NAV3: variants seen among roughly 807,000 people sequenced by gnomAD.
NAV3 encodes pore membrane and/or filament interacting like protein 1.
Under a neutral mutation model 244.7 loss-of-function variants are expected in NAV3, and 87 were observed. The observed-to-expected ratio is 0.36, with a 90% CI of 0.30 to 0.42. The LOEUF is 0.42. Among genes scored for constraint, NAV3 ranks in the 20% least tolerant of loss-of-function variants. NAV3 has a pLI of 1.00. For missense variants in NAV3, 2,663 were observed against 2,893.3 expected, an observed-to-expected ratio of 0.92 and a Z score of 1.83; for synonymous variants, 1,126 against 1,042.2, an observed-to-expected ratio of 1.08 and a Z score of -1.55.
intron 2 of NAV3, among the ~76,000 whole-genome samples, chr12:77,784,167 C>G (rs1870799449): frequency 6.6e-6 from 1 of 152,158 alleles, no homozygotes; most frequent in South Asian, 2.1e-4. Context: ...TAACAACACT[C>G]AGTAGATGTG....
intron 2 of NAV3, among the ~76,000 whole-genome samples, chr12:77,764,829 A>G (rs1869658514): frequency 6.6e-6 from 1 of 152,238 alleles, no homozygotes; most frequent in Non-Finnish European, 1.5e-5. Context: ...GACATTTGCG[A>G]CAGCAAGTCT....
intron 2 of NAV3, among the ~76,000 whole-genome samples, chr12:77,630,469 A>T (rs12322124): frequency 6.6e-6 from 1 of 152,036 alleles, no homozygotes; most frequent in African/African-American, 2.4e-5. Flanking sequence ...TGTACTCTCC[A>T]TAGAATGTAT....
chr12:78,184,853 A>C (rs1958646223), intron 30 of NAV3, among the ~76,000 whole-genome samples: 1 of 151,772 alleles, frequency 6.6e-6, no homozygotes, highest in Non-Finnish European at 1.5e-5. Context: ...GAAAGCATAT[A>C]TTTGGAATAG....
At chr12:78,164,980 A>T (rs1411118990) in intron 23 of NAV3, among the ~76,000 whole-genome samples, 1 of 152,104 alleles carries the variant, frequency 6.6e-6, no homozygotes, top group Admixed American at 6.6e-5. Flanking sequence ...CCACCAGGAA[A>T]GGCGAATATT....
chr12:78,181,980 G>A (rs1168488973), intron 30 of NAV3, among the ~76,000 whole-genome samples: 1 of 151,840 alleles, frequency 6.6e-6, no homozygotes, highest in Non-Finnish European at 1.5e-5. Context: ...TAAAATAATG[G>A]CCTTCATCTT....
Position 77,878,097 on chromosome 12 carries a change from A to G in NAV3, c.243+46393A>G, listed in dbSNP as rs533166769. Among the ~76,000 whole-genome samples, 14 of 152,296 alleles carry G rather than the reference A, an allele frequency of 9.2e-5. No homozygotes were observed. In the South Asian group the frequency reaches 2.9e-3, roughly 32 times the overall value. The stretch of plus-strand genomic sequence containing the variant: ...GGAGTCTAAGAAACTGGTAGGAAAA[A>G]GAGCCTAAGGGGATATGCCAACTAA... On this transcript the variant is annotated intron_variant, in intron 1 of 39. Coordinates refer to ENST00000397909, the MANE Select transcript of NAV3 (RefSeq NM_001024383.2).
intron 10 of NAV3, 36 bp from the exon 11 acceptor site, chr12:78,050,728 A>G (rs2137242315): frequency 1.3e-6 from 2 of 1,548,950 alleles, no homozygotes; most frequent in Non-Finnish European, 1.7e-6. Flanking sequence ...CCCTAAGTGA[A>G]CCAGAGTATA....
At chr12:78,173,580 A>G (rs1958095299) in intron 24 of NAV3, among the ~76,000 whole-genome samples, 1 of 151,624 alleles carries the variant, frequency 6.6e-6, no homozygotes, top group Non-Finnish European at 1.5e-5. Context: ...CTTCCATAAT[A>G]GTTGATTAAA....
At chr12:78,047,380 A>T (rs1312519210) in intron 9 of NAV3, among the ~76,000 whole-genome samples, 1 of 152,138 alleles carries the variant, frequency 6.6e-6, no homozygotes, top group African/African-American at 2.4e-5. Flanking sequence ...CCAGCTACTC[A>T]GGAGGCTGAG....
intron 2 of NAV3, among the ~76,000 whole-genome samples, chr12:77,661,177 G>C (rs1873427923): frequency 6.6e-6 from 1 of 152,074 alleles, no homozygotes; most frequent in African/African-American, 2.4e-5. Context: ...TTTCATTGTG[G>C]ACGTACCGTT....
chr12:77,705,287 G>A (rs1337779681), intron 2 of NAV3, among the ~76,000 whole-genome samples: 5 of 147,400 alleles, frequency 3.4e-5, no homozygotes, highest in Non-Finnish European at 7.4e-5. Flanking sequence ...GGGTGTGGTA[G>A]TGGACACTTG....
intron 2 of NAV3, among the ~76,000 whole-genome samples, chr12:77,702,272 A>G (rs1215086742): frequency 2.0e-5 from 3 of 151,908 alleles, no homozygotes; most frequent in Non-Finnish European, 4.4e-5. Flanking sequence ...GTATAGCCAC[A>G]CCTGCATTCT....
chr12:77,681,003 T>G (rs1407166168), intron 2 of NAV3, among the ~76,000 whole-genome samples: 1 of 152,194 alleles, frequency 6.6e-6, no homozygotes, highest in Non-Finnish European at 1.5e-5. Flanking sequence ...TCATTCTTTG[T>G]TAGATTTCTG....
intron 1 of NAV3, among the ~76,000 whole-genome samples, chr12:77,928,346 C>T (rs1183848043): frequency 6.6e-6 from 1 of 151,878 alleles, no homozygotes; most frequent in South Asian, 2.1e-4. Flanking sequence ...TAAATGAATG[C>T]CGAGGGGTTC....
At position 78,123,388 on chromosome 12, in the gene NAV3, A is replaced by G. The variant is rs940021917; in HGVS notation, c.4238+960A>G. Among the ~76,000 whole-genome samples, 7 of 150,386 alleles carry G rather than the reference A, an allele frequency of 4.7e-5. No homozygotes were observed. The South Asian group carries it at 6.3e-4, about 14-fold the overall frequency. ...TTTTAACTCTGATATTGATGATGGC[A>G]TTTATTTTCTAGACCTTCAGCCTTA... On this transcript the variant is annotated intron_variant, in intron 16 of 39. Coordinates refer to ENST00000397909, the MANE Select transcript of NAV3 (RefSeq NM_001024383.2).
chr12:77,604,704 C>T (rs1456647222), intron 2 of NAV3, among the ~76,000 whole-genome samples: 1 of 151,934 alleles, frequency 6.6e-6, no homozygotes, highest in Non-Finnish European at 1.5e-5. Context: ...TTTATGTCAG[C>T]TGGTGCTCGT....
intron 1 of NAV3, among the ~76,000 whole-genome samples, chr12:77,890,493 G>T (rs1471997094): frequency 1.3e-5 from 2 of 152,048 alleles, no homozygotes; most frequent in Non-Finnish European, 1.5e-5. Flanking sequence ...AATTGTAAAT[G>T]AATTATGAAA....
Position 78,006,495 on chromosome 12 carries a change from T to C in NAV3, c.957T>C (p.Pro319=), listed in dbSNP as rs367703766. The C allele has an allele frequency of 1.9e-6, 3 of 1,614,058 alleles. No homozygotes were observed. The highest frequency in any genetic ancestry group is 2.7e-5 in the African/African-American group (2 of 74,916). Residue 319 remains proline (P), a synonymous_variant, in exon 8 of 40, where the codon CCT becomes CCC. Coordinates refer to ENST00000397909, the MANE Select transcript of NAV3 (RefSeq NM_001024383.2). ...VQPPSTAGQP[P]ASAIPSPSAS... The stretch of plus-strand genomic sequence containing the variant: ...CTCCCAGTACTGCTGGGCAGCCTCC[T>C]GCCTCTGCCATCCCTTCTCCAAGTG...
intron 12 of NAV3, among the ~76,000 whole-genome samples, chr12:78,068,704 C>T (rs1952606025): frequency 1.3e-5 from 2 of 148,252 alleles, no homozygotes; most frequent in South Asian, 4.2e-4. Context: ...CTGTCATTAT[C>T]TTGAAATCTA....
Sources: allele counts gnomAD v4.1 joint callset (sites outside exome capture counted in the v4.1 genomes callset), GRCh38; gene constraint gnomAD v4.1.1; transcripts MANE v1.5; gene names NCBI Gene and HGNC (gene_info 2026-07-23, HGNC 2026-07-21).